The following ULK4 variants were observed in gnomAD, a reference collection of about 807,000 sequenced individuals.
ULK4 encodes the protein unc-51 like kinase 4.
ULK4 carries 133 observed loss-of-function variants against 160.6 expected under a neutral mutation model. That is an observed-to-expected ratio of 0.83 (90% CI 0.72 to 0.96). The LOEUF (loss-of-function observed/expected upper bound fraction) is 0.96, where lower values mean the gene tolerates loss of function less well. ULK4 is among the 40% of genes least tolerant of loss of function. The probability of loss-of-function intolerance (pLI) is 0.00; values close to 1 mark genes in which losing one functional copy is unlikely to be tolerated. For missense variants in ULK4, 1,580 were observed against 1,499.5 expected (o/e 1.05, Z -0.89); for synonymous variants, 534 against 539.8 (o/e 0.99, Z 0.15).
intron 34 of ULK4, among the ~76,000 whole-genome samples, chr3:41,444,074 T>C (rs1274853607): frequency 2.6e-5 from 4 of 152,186 alleles, no homozygotes; most frequent in Non-Finnish European, 5.9e-5. Context: ...ATAAGTGGAA[T>C]GACGACATTA....
At chr3:41,860,528 T>C (rs1229954585) in intron 17 of ULK4, among the ~76,000 whole-genome samples, 3 of 152,220 alleles carry the variant, frequency 2.0e-5, no homozygotes, top group South Asian at 4.1e-4. Context: ...GTATGTAATG[T>C]AAATATAACT....
chr3:41,490,879 A>G (rs1420212669), intron 32 of ULK4, among the ~76,000 whole-genome samples: 3 of 152,186 alleles, frequency 2.0e-5, no homozygotes, highest in Admixed American at 6.5e-5. Context: ...ATACACAGAA[A>G]CGCTCTCAGT....
At position 41,566,246 on chromosome 3, in the gene ULK4, C is replaced by A. The variant is rs2087778873; in HGVS notation, c.3121-116G>T. The A allele has an allele frequency of 1.7e-5, 14 of 815,308 alleles. 1 individual carries two copies. The highest frequency in any genetic ancestry group is 1.2e-4 in the South Asian group (7 of 56,254). 50.5% of individuals were successfully genotyped at this position (815,308 alleles called of 1,614,324 possible). ...TTCTTTGCACAAGGTTAAATGATTACCTTTTTGCACTTTAATGAAGCACAT... is the reference window on the plus strand; with the variant it reads ...TTCTTTGCACAAGGTTAAATGATTAACTTTTTGCACTTTAATGAAGCACAT... On this transcript the variant is annotated intron_variant, in intron 31 of 36. Transcript: ENST00000301831.
intron 21 of ULK4, among the ~76,000 whole-genome samples, chr3:41,784,738 T>C (rs2039952662): frequency 6.6e-6 from 1 of 152,218 alleles, no homozygotes; most frequent in South Asian, 2.1e-4. Context: ...AAGTAGCTAA[T>C]GCAGATGACA....
intron 32 of ULK4, among the ~76,000 whole-genome samples, chr3:41,508,865 GA>G (rs1369685855): frequency 6.6e-6 from 1 of 152,054 alleles, no homozygotes; most frequent in East Asian, 1.9e-4. Flanking sequence ...TAGTCTACCC[GA>G]ATGAGAAGGA....
chr3:41,659,315 A>T (rs1237525484), intron 30 of ULK4, among the ~76,000 whole-genome samples: 5 of 152,192 alleles, frequency 3.3e-5, no homozygotes, highest in African/African-American at 1.2e-4. Flanking sequence ...CGGAACCCAG[A>T]CTTTGTTAAA....
chr3:41,287,795 C>A (rs770402314), intron 35 of ULK4, among the ~76,000 whole-genome samples: 1 of 152,164 alleles, frequency 6.6e-6, no homozygotes, highest in Admixed American at 6.5e-5. Flanking sequence ...AACACAGGAA[C>A]GAGAGTCACC....
intron 30 of ULK4, among the ~76,000 whole-genome samples, chr3:41,644,405 G>A (rs56314936): frequency 0.024 from 3,709 of 152,052 alleles, 84 homozygotes; most frequent in South Asian, 0.057. Flanking sequence ...AGCATGAAGG[G>A]TTGTTGAATT....
intron 34 of ULK4, among the ~76,000 whole-genome samples, chr3:41,447,338 T>C (rs2083322988): frequency 6.6e-6 from 1 of 152,072 alleles, no homozygotes; most frequent in Non-Finnish European, 1.5e-5. Context: ...GGAGTGTGGA[T>C]CATCATGGGT....
At chr3:41,673,584 G>A (rs549187981) in intron 29 of ULK4, among the ~76,000 whole-genome samples, 13 of 152,074 alleles carry the variant, frequency 8.5e-5, no homozygotes, top group Admixed American at 5.2e-4. Flanking sequence ...CATTTTCCCC[G>A]GGAGAGAAAT....
chr3:41,632,750 C>T (rs2033800176), intron 30 of ULK4, among the ~76,000 whole-genome samples: 1 of 151,238 alleles, frequency 6.6e-6, no homozygotes, highest in South Asian at 2.1e-4. Context: ...AAAAAAAAAC[C>T]TCATAGTTAG....
At chr3:41,432,853 T>G (rs1007690973) in intron 34 of ULK4, among the ~76,000 whole-genome samples, 2 of 151,872 alleles carry the variant, frequency 1.3e-5, no homozygotes, top group Non-Finnish European at 2.9e-5. Context: ...ACCTATTCCT[T>G]ACAATAAAAT....
chr3:41,678,763 TA>T (rs2035821707), intron 29 of ULK4, among the ~76,000 whole-genome samples: 1 of 152,222 alleles, frequency 6.6e-6, no homozygotes, highest in Non-Finnish European at 1.5e-5. Flanking sequence ...GCATCAAAAG[TA>T]TTGTTTAAGG....
At chr3:41,687,672 A>G (rs962567979) in intron 27 of ULK4, among the ~76,000 whole-genome samples, 1 of 152,184 alleles carries the variant, frequency 6.6e-6, no homozygotes, top group Non-Finnish European at 1.5e-5. Context: ...TTTCTAGCCA[A>G]TCCCCATGTC....
Position 41,579,580 on chromosome 3 carries a change from G to A in ULK4, c.3121-13450C>T, listed in dbSNP as rs930190196. On this transcript the variant is annotated intron_variant, in intron 31 of 36. Transcript: ENST00000301831. ...GCGATCTCGACTCACTGCAAGCTCCGCCTCCCGGGTTCACGCCATTCTCCT... is the reference window on the plus strand; with the variant it reads ...GCGATCTCGACTCACTGCAAGCTCCACCTCCCGGGTTCACGCCATTCTCCT... 7.3e-5 allele frequency among the ~76,000 whole-genome samples: 10 copies of A among 137,898 alleles called. No homozygotes were observed. The South Asian group carries it at 9.5e-4, about 13-fold the overall frequency. The allele number at this position is 137,898 out of a possible 152,430, so 90.5% of individuals were successfully genotyped here. A position where few individuals can be genotyped will look rare whatever the true frequency, so the allele number is the denominator to read the frequency against.
chr3:41,954,010 C>T (rs1350962653), intron 2 of ULK4, among the ~76,000 whole-genome samples: 2 of 151,826 alleles, frequency 1.3e-5, no homozygotes, highest in African/African-American at 2.4e-5. Context: ...AGTGAAACCC[C>T]GTCTTTACTA....
rs1274076382 is a variant in ULK4 at position 41,708,810 on chromosome 3, T to C, written c.2635-3505A>G. ...TTAGCTCAATTTAGCCATTCCACAA[T>C]GTACACATATTTCAAAACAATCTGT... On this transcript the variant is annotated intron_variant, in intron 25 of 36. Transcript: ENST00000301831. Among the ~76,000 whole-genome samples, 10 of 152,320 alleles carry C rather than the reference T, an allele frequency of 6.6e-5. No individual in the cohort carries two copies. The South Asian group carries it at 8.3e-4, about 13-fold the overall frequency.
intron 11 of ULK4, among the ~76,000 whole-genome samples, chr3:41,910,354 T>C (rs1454680266): frequency 2.0e-5 from 3 of 152,086 alleles, no homozygotes; most frequent in African/African-American, 7.2e-5. Flanking sequence ...ATCGCAGCAC[T>C]CTGGGAGGCC....
At chr3:41,247,453 ACTT>A (rs1394486564) in intron 36 of ULK4, among the ~76,000 whole-genome samples, 3 of 152,212 alleles carry the variant, frequency 2.0e-5, no homozygotes, top group Non-Finnish European at 4.4e-5. Context: ...TAAAACGGGA[ACTT>A]TTTTACTGGA....
Sources: allele counts gnomAD v4.1 joint callset (sites outside exome capture counted in the v4.1 genomes callset), GRCh38; gene constraint gnomAD v4.1.1; transcripts MANE v1.5; gene names NCBI Gene and HGNC (gene_info 2026-07-23, HGNC 2026-07-21).